MPPED2: variants seen among roughly 807,000 people sequenced by gnomAD.
MPPED2 encodes the protein metallophosphoesterase domain containing 2.
Under a neutral mutation model 33.0 loss-of-function variants are expected in MPPED2, and 5 were observed. That is an observed-to-expected ratio of 0.15 (90% CI 0.08 to 0.32). The LOEUF (loss-of-function observed/expected upper bound fraction) is 0.32, where lower values mean the gene tolerates loss of function less well. Ranked by LOEUF, MPPED2 falls within the 10% of genes least tolerant of loss-of-function variation. The probability of loss-of-function intolerance (pLI) is 1.00; values close to 1 mark genes in which losing one functional copy is unlikely to be tolerated. For missense variants in MPPED2, 275 were observed against 372.1 expected, an observed-to-expected ratio of 0.74 and a Z score of 2.15; for synonymous variants, 136 against 141.9, an observed-to-expected ratio of 0.96 and a Z score of 0.29.
Position 30,451,949 on chromosome 11 carries a change from CA to C in MPPED2, c.537-34317del, listed in dbSNP as rs946313895. Reference sequence around the variant, plus strand: ...TCTTAAATTGAGAATGGAATCACACCAATTAATTCGGCCTCAAAGAAATGTG... The same window carrying C: ...TCTTAAATTGAGAATGGAATCACACCATTAATTCGGCCTCAAAGAAATGTG... On this transcript the variant is annotated intron_variant, in intron 4 of 6. Transcript: ENST00000358117. 31 of 985,334 alleles carry C rather than the reference CA, an allele frequency of 3.1e-5. No individual in the cohort carries two copies. In the African/African-American group the frequency reaches 5.2e-4, roughly 17 times the overall value. The allele number at this position is 985,334 out of a possible 1,614,324, so 61.0% of individuals were successfully genotyped here. A position where few individuals can be genotyped will look rare whatever the true frequency, so the allele number is the denominator to read the frequency against.
intron 4 of MPPED2, among the ~76,000 whole-genome samples, chr11:30,470,141 G>A (rs765417938): frequency 2.6e-5 from 4 of 151,854 alleles, no homozygotes; most frequent in Non-Finnish European, 5.9e-5. Flanking sequence ...CATTTTTAAG[G>A]TACACATAGG....
intron 2 of MPPED2, among the ~76,000 whole-genome samples, chr11:30,537,726 G>A (rs959512558): frequency 1.4e-4 from 21 of 152,134 alleles, no homozygotes; most frequent in African/African-American, 5.1e-4. Context: ...GGTCTAATTG[G>A]AAGCCCAAAA....
At chr11:30,427,970 T>C (rs567009646) in intron 4 of MPPED2, among the ~76,000 whole-genome samples, 2 of 152,284 alleles carry the variant, frequency 1.3e-5, no homozygotes, top group African/African-American at 4.8e-5. Flanking sequence ...CGACTCTACT[T>C]TTTCTAAGGT....
intron 6 of MPPED2, among the ~76,000 whole-genome samples, chr11:30,397,283 G>C (rs1002426285): frequency 4.6e-5 from 7 of 152,034 alleles, no homozygotes; most frequent in East Asian, 1.9e-4. Flanking sequence ...TTGTATGCTA[G>C]TTTGTTTTTC....
At chr11:30,452,559 C>T (rs1445556545) in intron 4 of MPPED2, among the ~76,000 whole-genome samples, 1 of 152,144 alleles carries the variant, frequency 6.6e-6, no homozygotes, top group Non-Finnish European at 1.5e-5. Context: ...ATTTTGGGGT[C>T]CAACTCGAAC....
In MPPED2 at chr11:30,503,443, A is replaced by G. The variant is rs181513397; in HGVS notation, c.311-7922T>C. On this transcript the variant is annotated intron_variant, in intron 3 of 6. Coordinates refer to ENST00000358117, the MANE Select transcript of MPPED2 (RefSeq NM_001584.3). ...TCTTCATTCCCCATGAACAGGGAATATGGAAAACAGGGTCGATCACAATCA... is the reference window on the plus strand; with the variant it reads ...TCTTCATTCCCCATGAACAGGGAATGTGGAAAACAGGGTCGATCACAATCA... 1.6e-4 allele frequency among the ~76,000 whole-genome samples: 25 copies of G among 152,284 alleles called. No individual in the cohort carries two copies. In the East Asian group the frequency reaches 4.6e-3, roughly 28 times the overall value.
intron 3 of MPPED2, among the ~76,000 whole-genome samples, chr11:30,530,261 C>T (rs1954445066): frequency 6.6e-6 from 1 of 152,136 alleles, no homozygotes; most frequent in African/African-American, 2.4e-5. Context: ...AGGCACTATA[C>T]ATACATAATT....
At chr11:30,581,965 C>T (rs1222223068) in intron 1 of MPPED2, among the ~76,000 whole-genome samples, 1 of 152,152 alleles carries the variant, frequency 6.6e-6, no homozygotes, top group Non-Finnish European at 1.5e-5. Flanking sequence ...AGATGATAGA[C>T]AACCAGGCCA....
intron 3 of MPPED2, among the ~76,000 whole-genome samples, chr11:30,506,583 A>G (rs1292169481): frequency 6.6e-6 from 1 of 152,242 alleles, no homozygotes; most frequent in Non-Finnish European, 1.5e-5. Context: ...TTATAAAATA[A>G]GTGGCAATTA....
chr11:30,541,533 G>A (rs1565167517), intron 2 of MPPED2, among the ~76,000 whole-genome samples: 1 of 152,194 alleles, frequency 6.6e-6, no homozygotes, highest in Admixed American at 6.5e-5. Context: ...AGGGATTTCA[G>A]TGCTTTTAGC....
intron 4 of MPPED2, among the ~76,000 whole-genome samples, chr11:30,463,850 TTA>T (rs3064881): frequency 0.49 from 73,105 of 150,564 alleles, 18,403 homozygotes; most frequent in African/African-American, 0.65. Context: ...AACTGTTATT[TTA>T]TATATATATA....
intron 6 of MPPED2, among the ~76,000 whole-genome samples, chr11:30,397,472 G>T (rs947966693): frequency 6.6e-6 from 1 of 152,070 alleles, no homozygotes; most frequent in African/African-American, 2.4e-5. Context: ...TAATTTTGGC[G>T]ATACAAACTA....
At chr11:30,566,687 C>A (rs192892633) in intron 2 of MPPED2, among the ~76,000 whole-genome samples, 21 of 152,246 alleles carry the variant, frequency 1.4e-4, no homozygotes, top group African/African-American at 5.1e-4. Flanking sequence ...GACAGAGTCT[C>A]CAGAACATGC....
rs147383631 is a variant in MPPED2 at position 30,501,294 on chromosome 11, C to T, written c.311-5773G>A. 5.3e-5 allele frequency among the ~76,000 whole-genome samples: 8 copies of T among 152,260 alleles called. No individual in the cohort carries two copies. The East Asian group carries it at 1.5e-3, about 29-fold the overall frequency. ...ACTCTCAAAGCAAAGCATCTGAAGA[C>T]GAAAAAGAACATTTTGATTTTTCTC... On this transcript the variant is annotated intron_variant, in intron 3 of 6. Coordinates refer to ENST00000358117, the MANE Select transcript of MPPED2 (RefSeq NM_001584.3).
chr11:30,512,171 G>A (rs1953244523), intron 3 of MPPED2, among the ~76,000 whole-genome samples: 1 of 152,166 alleles, frequency 6.6e-6, no homozygotes, highest in African/African-American at 2.4e-5. Flanking sequence ...TAGAAGTCCT[G>A]AGAGGGAAGA....
chr11:30,562,825 A>T (rs1956291104), intron 2 of MPPED2, among the ~76,000 whole-genome samples: 1 of 152,136 alleles, frequency 6.6e-6, no homozygotes, highest in Non-Finnish European at 1.5e-5. Context: ...AAGAACCTTG[A>T]TATTCTATTA....
At chr11:30,388,702 C>G in exon 7 of MPPED2, 1 of 655,816 alleles carries the variant, frequency 1.5e-6, no homozygotes, top group Non-Finnish European at 2.3e-6. Context: ...CGCAGTCTTT[C>G]CTGTTGTCCA....
At chr11:30,498,226 TA>T (rs1198121981) in intron 3 of MPPED2, among the ~76,000 whole-genome samples, 2 of 151,446 alleles carry the variant, frequency 1.3e-5, no homozygotes, top group Non-Finnish European at 2.9e-5. Context: ...CCTGCTTGTA[TA>T]AAAAAAACCA....
chr11:30,515,779 A>C (rs1312736618), intron 3 of MPPED2, among the ~76,000 whole-genome samples: 1 of 152,242 alleles, frequency 6.6e-6, no homozygotes, highest in African/African-American at 2.4e-5. Context: ...CCTTACAGAC[A>C]GCTAAGAACC....
Sources: gnomAD v4.1 joint callset for allele counts (sites outside exome capture counted in the v4.1 genomes callset) on GRCh38, gnomAD v4.1.1 for gene constraint, MANE v1.5 for transcripts, NCBI Gene and HGNC (gene_info 2026-07-23, HGNC 2026-07-21) for gene names.